CDH13: variants seen among roughly 807,000 people sequenced by gnomAD.
CDH13 encodes the protein cadherin-13.
A neutral mutation model predicts 63.8 loss-of-function variants in CDH13; 24 were observed. The ratio of observed to expected loss-of-function variants is 0.38; its 90% CI spans 0.27 to 0.53. The LOEUF (loss-of-function observed/expected upper bound fraction) is 0.53, where lower values mean the gene tolerates loss of function less well. CDH13 is among the 20% of genes least tolerant of loss of function. CDH13 has a pLI of 0.85. For missense variants in CDH13, 1,049 were observed against 903.1 expected (o/e 1.16, Z -2.07); for synonymous variants, 503 against 355.3 (o/e 1.42, Z -4.67).
At chr16:82,638,662 T>C (rs1194984250) in intron 1 of CDH13, among the ~76,000 whole-genome samples, 2 of 152,110 alleles carry the variant, frequency 1.3e-5, no homozygotes. Flanking sequence ...AAATAAAGTT[T>C]GCTCCCCAGG....
At chr16:82,877,792 A>G (rs931583684) in intron 2 of CDH13, among the ~76,000 whole-genome samples, 2 of 94,446 alleles carry the variant, frequency 2.1e-5, no homozygotes, top group Non-Finnish European at 4.2e-5. Context: ...AGCCACCTCT[A>G]TTCATTTTTT....
At chr16:83,076,223 T>C (rs1040031246) in intron 3 of CDH13, among the ~76,000 whole-genome samples, 1 of 152,192 alleles carries the variant, frequency 6.6e-6, no homozygotes, top group African/African-American at 2.4e-5. Context: ...GAGCATTGTT[T>C]GATAATATTC....
intron 10 of CDH13, among the ~76,000 whole-genome samples, chr16:83,714,319 ATACT>A (rs1213174615): frequency 1.3e-5 from 2 of 152,234 alleles, no homozygotes; most frequent in Admixed American, 6.5e-5. Context: ...ATCGGTAGAA[ATACT>A]TAATAGAAAT....
chr16:83,573,412 G>T (rs946500613), intron 7 of CDH13, among the ~76,000 whole-genome samples: 2 of 152,202 alleles, frequency 1.3e-5, no homozygotes, highest in Non-Finnish European at 2.9e-5. Flanking sequence ...GCATGGAGGT[G>T]ACCACTGAAC....
chr16:83,002,343 AG>A (rs1913027279), intron 2 of CDH13, among the ~76,000 whole-genome samples: 1 of 152,210 alleles, frequency 6.6e-6, no homozygotes, highest in Admixed American at 6.5e-5. Context: ...TGTGGCCTCA[AG>A]CCAAGAAACA....
chr16:82,970,895 C>T (rs768525813), intron 2 of CDH13, among the ~76,000 whole-genome samples: 1 of 152,148 alleles, frequency 6.6e-6, no homozygotes, highest in Non-Finnish European at 1.5e-5. Context: ...TTCCAATGCC[C>T]AGTGCTTCAG....
intron 5 of CDH13, among the ~76,000 whole-genome samples, chr16:83,242,976 G>A (rs947027663): frequency 1.3e-5 from 2 of 152,114 alleles, no homozygotes; most frequent in Non-Finnish European, 2.9e-5. Context: ...ATAAGAACTC[G>A]GTGAAGTAGG....
At chr16:83,331,943 C>G (rs1290185706) in intron 5 of CDH13, among the ~76,000 whole-genome samples, 1 of 152,176 alleles carries the variant, frequency 6.6e-6, no homozygotes, top group Non-Finnish European at 1.5e-5. Flanking sequence ...CACACAACCA[C>G]ACACGCACAT....
intron 2 of CDH13, among the ~76,000 whole-genome samples, chr16:83,007,789 A>T (rs1316689718): frequency 6.6e-6 from 1 of 151,002 alleles, no homozygotes; most frequent in Non-Finnish European, 1.5e-5. Context: ...ACACCACTGC[A>T]CTCTAGTCTG....
intron 10 of CDH13, among the ~76,000 whole-genome samples, chr16:83,705,446 T>C (rs1906881308): frequency 1.3e-5 from 2 of 151,722 alleles, no homozygotes; most frequent in Non-Finnish European, 2.9e-5. Context: ...CACGGTGAAA[T>C]CCTGTCTCTA....
intron 2 of CDH13, among the ~76,000 whole-genome samples, chr16:82,984,153 G>T (rs1910644108): frequency 6.6e-6 from 1 of 152,174 alleles, no homozygotes; most frequent in African/African-American, 2.4e-5. Context: ...GGATTTCAAG[G>T]GAAGGGCTTG....
At chr16:82,913,824 C>T (rs778509051) in intron 2 of CDH13, among the ~76,000 whole-genome samples, 1 of 151,988 alleles carries the variant, frequency 6.6e-6, no homozygotes, top group Non-Finnish European at 1.5e-5. Flanking sequence ...GGGGAAGCCA[C>T]CTAGCTAGTG....
intron 8 of CDH13, among the ~76,000 whole-genome samples, chr16:83,649,078 A>T (rs1041415969): frequency 6.6e-6 from 1 of 152,154 alleles, no homozygotes; most frequent in African/African-American, 2.4e-5. Flanking sequence ...TAACTCTGTG[A>T]CTATTCCTGT....
At chr16:82,837,557 C>T (rs62035164) in intron 1 of CDH13, among the ~76,000 whole-genome samples, 25,470 of 152,148 alleles carry the variant, frequency 0.17, 2,335 homozygotes, top group Admixed American at 0.23. Flanking sequence ...GGGCAAAGGC[C>T]TGTGAGCGAA....
intron 4 of CDH13, among the ~76,000 whole-genome samples, chr16:83,132,429 C>A (rs2036092544): frequency 8.7e-6 from 1 of 114,336 alleles, no homozygotes; most frequent in Non-Finnish European, 1.8e-5. Context: ...TTTCTACCCC[C>A]CACCCACCCC....
chr16:83,366,252 C>G (rs1376709821), intron 6 of CDH13, among the ~76,000 whole-genome samples: 1 of 152,130 alleles, frequency 6.6e-6, no homozygotes, highest in African/African-American at 2.4e-5. Context: ...ATTCCCAATA[C>G]CAACATCATT....
intron 1 of CDH13, among the ~76,000 whole-genome samples, chr16:82,649,435 C>T (rs1910475556): frequency 6.6e-6 from 1 of 152,092 alleles, no homozygotes. Flanking sequence ...GGCAGATAGT[C>T]TTAGGCAGTG....
At chr16:82,720,001 C>T (rs777710888) in intron 1 of CDH13, among the ~76,000 whole-genome samples, 2 of 152,058 alleles carry the variant, frequency 1.3e-5, no homozygotes, top group Non-Finnish European at 2.9e-5. Context: ...TAAATTCTTA[C>T]GGCACGTTCC....
chr16:83,404,209 C>A (rs1214940600), intron 6 of CDH13, among the ~76,000 whole-genome samples: 4 of 152,178 alleles, frequency 2.6e-5, no homozygotes, highest in Non-Finnish European at 4.4e-5. Context: ...GTTCACGTTT[C>A]AGAACTTTTG....
Sources: gnomAD v4.1 joint callset for allele counts (sites outside exome capture counted in the v4.1 genomes callset) on GRCh38, gnomAD v4.1.1 for gene constraint, MANE v1.5 for transcripts, NCBI Gene and HGNC (gene_info 2026-07-23, HGNC 2026-07-21) for gene names.